NFATC2: variants seen among roughly 807,000 people sequenced by gnomAD.
NFATC2 encodes nuclear factor of activated T cells 2.
In NFATC2, 22 loss-of-function variants were observed where a neutral mutation model predicts 87.3. That is an observed-to-expected ratio of 0.25 (90% CI 0.18 to 0.36). The LOEUF is 0.36. NFATC2 is among the 10% of genes least tolerant of loss of function. NFATC2 has a pLI of 1.00. For missense variants in NFATC2, 1,149 were observed against 1,259.1 expected, an observed-to-expected ratio of 0.91 and a Z score of 1.32; for synonymous variants, 565 against 542.2, an observed-to-expected ratio of 1.04 and a Z score of -0.58.
intron 6 of NFATC2, among the ~76,000 whole-genome samples, chr20:51,437,112 CAAA>C (rs3029278): frequency 0.46 from 60,153 of 130,788 alleles, 13,557 homozygotes; most frequent in South Asian, 0.55. Flanking sequence ...GAAGTTGGGC[CAAA>C]AAAAAAAAAA....
At chr20:51,409,246 A>G (rs1391340579) in intron 9 of NFATC2, among the ~76,000 whole-genome samples, 1 of 152,192 alleles carries the variant, frequency 6.6e-6, no homozygotes, top group African/African-American at 2.4e-5. Context: ...ACCCTACAGA[A>G]AGTCCTCTGT....
At chr20:51,392,848 G>C (rs1300773354) in intron 10 of NFATC2, among the ~76,000 whole-genome samples, 1 of 152,194 alleles carries the variant, frequency 6.6e-6, no homozygotes, top group East Asian at 1.9e-4. Flanking sequence ...TGCCCAGATG[G>C]TTTGCAACCT....
At chr20:51,561,424 G>GGA (rs2077023145) in intron 1 of NFATC2, among the ~76,000 whole-genome samples, 1 of 123,672 alleles carries the variant, frequency 8.1e-6, no homozygotes. Context: ...AAGAAAGAGA[G>GGA]AGAAAGAAAA....
intron 5 of NFATC2, among the ~76,000 whole-genome samples, chr20:51,467,488 C>T (rs1445706429): frequency 6.6e-6 from 1 of 151,864 alleles, no homozygotes; most frequent in Non-Finnish European, 1.5e-5. Context: ...AGCTGGGAGG[C>T]AGAGGTTGCA....
intron 1 of NFATC2, among the ~76,000 whole-genome samples, chr20:51,528,407 C>T (rs543633119): frequency 3.1e-5 from 4 of 127,792 alleles, no homozygotes; most frequent in South Asian, 5.4e-4. Flanking sequence ...GAGATGTACA[C>T]ACAATGTACA....
chr20:51,391,474 G>GGA, intron 10 of NFATC2, 23 bp from the exon 11 acceptor site: 1 of 1,585,132 alleles, frequency 6.3e-7, no homozygotes, highest in Non-Finnish European at 8.6e-7. Flanking sequence ...AGAGGAGGGG[G>GGA]GGGGAGAGAG....
chr20:51,487,037 G>A (rs1456883813), intron 3 of NFATC2, among the ~76,000 whole-genome samples: 1 of 152,192 alleles, frequency 6.6e-6, no homozygotes, highest in Non-Finnish European at 1.5e-5. Flanking sequence ...GCTCCCTGCT[G>A]CCAAGTGTTT....
intron 3 of NFATC2, among the ~76,000 whole-genome samples, chr20:51,494,522 A>G (rs1214628824): frequency 6.6e-6 from 1 of 152,130 alleles, no homozygotes; most frequent in African/African-American, 2.4e-5. Flanking sequence ...TACTACGTGC[A>G]GGTCTTTGTG....
At chr20:51,438,690 C>T (rs923765085) in intron 6 of NFATC2, among the ~76,000 whole-genome samples, 2 of 152,110 alleles carry the variant, frequency 1.3e-5, no homozygotes, top group Non-Finnish European at 2.9e-5. Context: ...GGACGCAACA[C>T]GAAGAAGGAG....
At chr20:51,438,638 A>T (rs1249656803) in intron 6 of NFATC2, among the ~76,000 whole-genome samples, 1 of 152,188 alleles carries the variant, frequency 6.6e-6, no homozygotes, top group East Asian at 1.9e-4. Context: ...AAAGGGCATC[A>T]CCAAGAGGAG....
intron 6 of NFATC2, among the ~76,000 whole-genome samples, chr20:51,440,477 G>T (rs919378402): frequency 6.6e-6 from 1 of 152,158 alleles, no homozygotes; most frequent in Admixed American, 6.5e-5. Context: ...ATGAAGCGAC[G>T]AAGTCTGTTA....
intron 3 of NFATC2, among the ~76,000 whole-genome samples, chr20:51,498,452 TGGAAGGGAGGA>T (rs1386511875): frequency 4.6e-5 from 7 of 151,772 alleles, no homozygotes; most frequent in African/African-American, 1.7e-4. Context: ...GTGAAGGGGT[TGGAAGGGAGGA>T]GGAAAGGAAG....
chr20:51,558,922 C>G (rs2076999815), intron 1 of NFATC2, among the ~76,000 whole-genome samples: 1 of 152,204 alleles, frequency 6.6e-6, no homozygotes, highest in Admixed American at 6.5e-5. Flanking sequence ...ACCTGGGACC[C>G]AGTGGAGACT....
At chr20:51,448,112 T>C (rs1985301129) in intron 6 of NFATC2, among the ~76,000 whole-genome samples, 1 of 152,202 alleles carries the variant, frequency 6.6e-6, no homozygotes, top group African/African-American at 2.4e-5. Context: ...GACTCTGCTG[T>C]CAAGGAACTA....
chr20:51,496,386 C>G (rs564907484), intron 3 of NFATC2, among the ~76,000 whole-genome samples: 1 of 152,152 alleles, frequency 6.6e-6, no homozygotes, highest in Admixed American at 6.5e-5. Context: ...CACCTCTGCA[C>G]ACCCCTGAAG....
rs2076496549 is a variant in NFATC2 at position 51,523,859 on chromosome 20, G to A, written c.382C>T (p.Leu128Phe). Residue 128 changes from leucine to phenylalanine, a missense_variant, in exon 2 of 11, where the codon CTC becomes TTC. By Grantham distance (22) the Leu-to-Phe change is conservative (BLOSUM62 0). Coordinates refer to ENST00000371564, the MANE Select transcript of NFATC2 (RefSeq NM_012340.5). The surrounding 1 kb of genome is among the most constrained non-coding windows in gnomAD (Gnocchi z 6.9). The stretch of plus-strand genomic sequence containing the variant: ...AGGAGGCCCGCGTCTCTCATGCGGA[G>A]GGGCCCCACTGCCTGGATCAGTTCG... ...SHELIQAVGP[L>F]RMRDAGLLVE... The A allele has an allele frequency of 6.2e-7, 1 of 1,609,820 alleles. No individual in the cohort carries two copies.
chr20:51,541,991 C>T (rs1419640666), intron 1 of NFATC2, among the ~76,000 whole-genome samples: 1 of 152,194 alleles, frequency 6.6e-6, no homozygotes, highest in Non-Finnish European at 1.5e-5. Flanking sequence ...TTCGCTTCCT[C>T]ACCTCCTCCC....
chr20:51,490,397 T>C (rs2075862465), intron 3 of NFATC2, among the ~76,000 whole-genome samples: 1 of 152,176 alleles, frequency 6.6e-6, no homozygotes, highest in South Asian at 2.1e-4. Context: ...GATCTTCTGT[T>C]CCTGTAGTCT....
At chr20:51,555,445 T>C (rs1168509876) in intron 1 of NFATC2, among the ~76,000 whole-genome samples, 1 of 151,966 alleles carries the variant, frequency 6.6e-6, no homozygotes, top group Non-Finnish European at 1.5e-5. Flanking sequence ...TACAAAAAAT[T>C]AGCTGGGTGT....
Sources: gnomAD v4.1 joint callset for allele counts (sites outside exome capture counted in the v4.1 genomes callset) on GRCh38, gnomAD v4.1.1 for gene constraint, Gnocchi (gnomAD v3.1) non-coding constraint, MANE v1.5 for transcripts, NCBI Gene and HGNC (gene_info 2026-07-23, HGNC 2026-07-21) for gene names.